UBE3B: variants seen among roughly 807,000 people sequenced by gnomAD.
The protein encoded by UBE3B is ubiquitin-protein ligase E3B.
In UBE3B, 80 loss-of-function variants were observed where a neutral mutation model predicts 132.3. The observed-to-expected ratio is 0.60, with a 90% confidence interval of 0.50 to 0.73. The LOEUF is 0.73. UBE3B is among the 30% of genes least tolerant of loss of function. The pLI, the probability that UBE3B is intolerant of heterozygous loss-of-function variation, is 0.00. For synonymous variants in UBE3B, 487 were observed against 520.4 expected (o/e 0.94, Z 0.87); for missense variants, 1,196 against 1,362.5 (o/e 0.88, Z 1.92).
intron 9 of UBE3B, 51 bp downstream of exon 9, chr12:109,491,178 C>T: frequency 1.3e-6 from 2 of 1,567,652 alleles, no homozygotes; most frequent in South Asian, 1.1e-5. Context: ...AATGCTTCCT[C>T]CTCTTGGTTT....
chr12:109,506,631 G>A (rs1167538884), intron 14 of UBE3B, among the ~76,000 whole-genome samples: 10 of 152,346 alleles, frequency 6.6e-5, no homozygotes, highest in Admixed American at 1.3e-4. Flanking sequence ...GATTACAGGC[G>A]TGAGCCACAG....
chr12:109,494,558 C>G (rs147087801), intron 9 of UBE3B, among the ~76,000 whole-genome samples: 3 of 152,226 alleles, frequency 2.0e-5, no homozygotes, highest in African/African-American at 7.2e-5. Context: ...CTCAACCCCC[C>G]ACCATGTCTG....
chr12:109,499,694 C>A lies in UBE3B; in HGVS notation c.1002C>A (p.Phe334Leu), dbSNP rs543547516. The change falls in exon 12 of 28, where the codon TTC (phenylalanine) becomes TTA (leucine). Residue 334 changes from phenylalanine (F) to leucine (L), a missense_variant. Transcript: ENST00000342494. ...TGTTAGAGGAGGAGACAGATGGGTT[C>A]GTGAGTTTGCTCACCCAGACGCTGT... is the stretch of plus-strand genomic sequence containing the variant. ...PRVLEEETDGFVSLLTQTLCY... is the reference protein window; with the variant it reads ...PRVLEEETDGLVSLLTQTLCY... 2 of 1,613,258 alleles carry A rather than the reference C, an allele frequency of 1.2e-6. No homozygotes were observed. The highest frequency in any genetic ancestry group is 2.2e-5 in the South Asian group (2 of 91,020).
Position 109,507,634 on chromosome 12 carries a change from G to C in UBE3B, c.1521G>C (p.Gly507=), listed in dbSNP as rs141086391. ...AFICELGPHG[G]LKLFLECLNN... ...TCTGTGAGCTCGGGCCCCACGGAGG[G>C]TTAAAGCTCTTCTTGGAATGCCTGA... Residue 507 remains glycine (G), a synonymous_variant, in exon 15 of 28, where the codon GGG becomes GGC. Coordinates refer to ENST00000342494, the MANE Select transcript of UBE3B (RefSeq NM_130466.4). The C allele has an allele frequency of 7.7e-5, 125 of 1,614,072 alleles. No homozygotes were observed. The highest frequency in any genetic ancestry group is 1.0e-4 in the Non-Finnish European group (122 of 1,180,036).
chr12:109,490,818 T>C, intron 8 of UBE3B: 1 of 1,288,692 alleles, frequency 7.8e-7, no homozygotes, highest in Non-Finnish European at 1.0e-6. Context: ...TGTTTTTTTG[T>C]TTTTTTGTTT....
chr12:109,490,981 C>T (rs1877378154), intron 8 of UBE3B, 64 bp from the exon 9 acceptor site: 10 of 1,547,446 alleles, frequency 6.5e-6, no homozygotes, highest in Admixed American at 5.6e-5. Flanking sequence ...CTTTTTTGCT[C>T]TTTTATGTAC....
chr12:109,513,088 A>G (rs1880575930), intron 18 of UBE3B, among the ~76,000 whole-genome samples: 1 of 152,146 alleles, frequency 6.6e-6, no homozygotes, highest in Non-Finnish European at 1.5e-5. Flanking sequence ...TTCCAAGTGT[A>G]GTATCCTTAG....
intron 9 of UBE3B, among the ~76,000 whole-genome samples, chr12:109,493,216 C>T (rs1430036219): frequency 6.6e-6 from 1 of 152,228 alleles, no homozygotes; most frequent in African/African-American, 2.4e-5. Context: ...ACTGTCCCTA[C>T]CCAAGTCACC....
chr12:109,538,581 G>A (rs865885331), downstream of UBE3B, among the ~76,000 whole-genome samples: 43 of 152,312 alleles, frequency 2.8e-4, no homozygotes, highest in African/African-American at 7.7e-4. The surrounding 1 kb of genome is among the most constrained non-coding windows in gnomAD (Gnocchi z 4.1). Flanking sequence ...GTACGCATCC[G>A]TTAGTCCTCT....
At chr12:109,504,484 G>C (rs1365614145) in intron 14 of UBE3B, among the ~76,000 whole-genome samples, 1 of 152,224 alleles carries the variant, frequency 6.6e-6, no homozygotes, top group Non-Finnish European at 1.5e-5. Flanking sequence ...AAGATACCAG[G>C]TTGTTGGCCC....
chr12:109,505,169 G>A (rs1879507229), intron 14 of UBE3B, among the ~76,000 whole-genome samples: 1 of 152,208 alleles, frequency 6.6e-6, no homozygotes, highest in South Asian at 2.1e-4. Context: ...TAAAGTGTAT[G>A]TTTGATATTC....
chr12:109,490,493 T>G (rs1566078767), intron 8 of UBE3B: 10 of 1,535,866 alleles, frequency 6.5e-6, no homozygotes, highest in Non-Finnish European at 7.0e-6. Flanking sequence ...TCCCTAGTGC[T>G]GTGATGGGCT....
intron 7 of UBE3B, 109 bp downstream of exon 7, chr12:109,488,777 C>A: frequency 1.0e-6 from 1 of 959,218 alleles, no homozygotes; most frequent in Non-Finnish European, 1.7e-6. Flanking sequence ...CAGGGAAGGC[C>A]CTGAGACCAT....
chr12:109,517,561 G>A (rs1327093775), intron 19 of UBE3B, among the ~76,000 whole-genome samples: 1 of 152,128 alleles, frequency 6.6e-6, no homozygotes, highest in African/African-American at 2.4e-5. Context: ...AACTACCTAC[G>A]ATGTCTGTGT....
At chr12:109,482,252 G>A (rs1463570610) in intron 2 of UBE3B, among the ~76,000 whole-genome samples, 1 of 152,154 alleles carries the variant, frequency 6.6e-6, no homozygotes, top group African/African-American at 2.4e-5. Context: ...TAATGGTGGA[G>A]TCTGGGCTTT....
At position 109,497,863 on chromosome 12, in the gene UBE3B, C is replaced by G. The variant is rs760096558; in HGVS notation, c.759C>G (p.Phe253Leu). ...TCTCAGACAATCTGATTCGGCCGTTCCTCATCCACATCATGTCTGTGCCTG... is the reference window on the plus strand; with the variant it reads ...TCTCAGACAATCTGATTCGGCCGTTGCTCATCCACATCATGTCTGTGCCTG... Reference protein sequence around the residue: ...AQFSDNLIRPFLIHIMSVPAL... With the variant: ...AQFSDNLIRPLLIHIMSVPAL... Residue 253 changes from phenylalanine to leucine, a missense_variant, in exon 10 of 28, where the codon TTC (phenylalanine) becomes TTG (leucine). Coordinates refer to ENST00000342494, the MANE Select transcript of UBE3B (RefSeq NM_130466.4). The G allele has an allele frequency of 1.9e-5, 30 of 1,614,066 alleles. No individual in the cohort carries two copies. Among genetic ancestry groups the G allele is most frequent in the Non-Finnish European group, 2.5e-5 (29 of 1,180,048 alleles).
At chr12:109,502,940 T>C (rs546453326) in intron 13 of UBE3B, 83 bp from the exon 14 acceptor site, 1 of 1,559,622 alleles carries the variant, frequency 6.4e-7, no homozygotes, top group South Asian at 1.1e-5. Flanking sequence ...TTTAGAGCTT[T>C]ACTGAAATGC....
chr12:109,512,323 G>T (rs1290437315), intron 18 of UBE3B, among the ~76,000 whole-genome samples: 1 of 152,128 alleles, frequency 6.6e-6, no homozygotes, highest in African/African-American at 2.4e-5. Context: ...TGCAGGACCC[G>T]TCCCACAGAG....
At chr12:109,486,930 T>G (rs1876591579) in intron 6 of UBE3B, among the ~76,000 whole-genome samples, 1 of 152,174 alleles carries the variant, frequency 6.6e-6, no homozygotes, top group African/African-American at 2.4e-5. Context: ...ACGTACCAGT[T>G]AAGCAAGGAA....
Sources: allele counts gnomAD v4.1 joint callset (sites outside exome capture counted in the v4.1 genomes callset), GRCh38; gene constraint gnomAD v4.1.1; non-coding constraint Gnocchi (gnomAD v3.1); transcripts MANE v1.5; gene names NCBI Gene and HGNC (gene_info 2026-07-23, HGNC 2026-07-21).